CSTPP1: variants seen among roughly 807,000 people sequenced by gnomAD.
The protein encoded by CSTPP1 is UPF0705 protein C11orf49.
At chr11:47,160,006 T>A in the CSTPP1 span, 1 of 283,708 alleles carries the variant, frequency 3.5e-6, no homozygotes, top group East Asian at 1.0e-4. Context: ...CTCCATCAAA[T>A]AAATAAACAC....
the CSTPP1 span, among the ~76,000 whole-genome samples, chr11:47,132,478 G>T: frequency 2.3e-4 from 35 of 152,262 alleles, no homozygotes; most frequent in African/African-American, 8.2e-4. Flanking sequence ...AAGTGTATAT[G>T]TTACCTCTTT....
chr11:46,986,197 A>C, the CSTPP1 span, among the ~76,000 whole-genome samples: 1 of 152,208 alleles, frequency 6.6e-6, no homozygotes, highest in Non-Finnish European at 1.5e-5. Flanking sequence ...TTAAGCTACC[A>C]AGACAGAGCC....
At chr11:47,100,606 C>T in the CSTPP1 span, among the ~76,000 whole-genome samples, 11 of 152,148 alleles carry the variant, frequency 7.2e-5, no homozygotes, top group South Asian at 4.1e-4. Context: ...GCCTGACCAA[C>T]GTGGCAAAAC....
At chr11:47,085,724 T>C in the CSTPP1 span, among the ~76,000 whole-genome samples, 2 of 151,776 alleles carry the variant, frequency 1.3e-5, no homozygotes, top group Admixed American at 6.6e-5. Flanking sequence ...ACCCCGTCTC[T>C]ACTAAAAATA....
the CSTPP1 span, among the ~76,000 whole-genome samples, chr11:46,976,820 C>A: frequency 6.6e-6 from 1 of 152,016 alleles, no homozygotes; most frequent in Non-Finnish European, 1.5e-5. Context: ...CTGTGGAACC[C>A]GAATCTACGA....
chr11:47,015,300 CTACTAAAAA>C, the CSTPP1 span, among the ~76,000 whole-genome samples: 1 of 151,148 alleles, frequency 6.6e-6, no homozygotes, highest in Non-Finnish European at 1.5e-5. Context: ...AACCCCGTCT[CTACTAAAAA>C]AAAAAAATAC....
At chr11:46,989,534 CAAGT>C in the CSTPP1 span, among the ~76,000 whole-genome samples, 2 of 152,164 alleles carry the variant, frequency 1.3e-5, no homozygotes, top group African/African-American at 4.8e-5. Flanking sequence ...CTGCAGGCCT[CAAGT>C]AATCCTCTCA....
chr11:47,036,274 ATATAT>A, the CSTPP1 span, among the ~76,000 whole-genome samples: 1 of 75,294 alleles, frequency 1.3e-5, no homozygotes, highest in South Asian at 3.6e-4. Flanking sequence ...TATATATATT[ATATAT>A]TATATTTATA....
At chr11:47,163,025 C>A in the CSTPP1 span, among the ~76,000 whole-genome samples, 3 of 151,980 alleles carry the variant, frequency 2.0e-5, no homozygotes, top group Non-Finnish European at 4.4e-5. Context: ...ACAAAATAAC[C>A]TTAGCCAGGC....
chr11:47,127,369 G>C, the CSTPP1 span, among the ~76,000 whole-genome samples: 2 of 152,218 alleles, frequency 1.3e-5, no homozygotes, highest in Non-Finnish European at 2.9e-5. Context: ...TAAAAGTGAG[G>C]CAATAGAGGA....
chr11:47,144,665 T>C, the CSTPP1 span, among the ~76,000 whole-genome samples: 2 of 152,180 alleles, frequency 1.3e-5, no homozygotes, highest in South Asian at 2.1e-4. Context: ...CTTCTTGTGA[T>C]TGGCCTGCAG....
At chr11:46,998,001 G>C in the CSTPP1 span, among the ~76,000 whole-genome samples, 2 of 152,154 alleles carry the variant, frequency 1.3e-5, no homozygotes, top group East Asian at 1.9e-4. Flanking sequence ...TAGGCTACTC[G>C]GGGGTCAGGG....
At chr11:47,108,689 G>A in the CSTPP1 span, among the ~76,000 whole-genome samples, 5 of 145,026 alleles carry the variant, frequency 3.4e-5, no homozygotes, top group African/African-American at 1.0e-4. Flanking sequence ...GGGTGGGACA[G>A]TTCAGTACTA....
At chr11:46,944,179 G>A in the CSTPP1 span, among the ~76,000 whole-genome samples, 36,398 of 151,514 alleles carry the variant, frequency 0.24, 5,083 homozygotes, top group East Asian at 0.65. Flanking sequence ...TTAGCAGAGC[G>A]TGGGGGTGTG....
At chr11:47,078,875 G>A in the CSTPP1 span, among the ~76,000 whole-genome samples, 6 of 152,166 alleles carry the variant, frequency 3.9e-5, no homozygotes, top group African/African-American at 1.2e-4. Flanking sequence ...TGATTATCCA[G>A]TAGCCACGAG....
the CSTPP1 span, chr11:47,162,377 G>C: frequency 2.5e-6 from 1 of 400,164 alleles, no homozygotes; most frequent in African/African-American, 2.2e-5. Context: ...CTCAGACAAC[G>C]AGCAGAGGGG....
the CSTPP1 span, among the ~76,000 whole-genome samples, chr11:46,945,616 AAAT>A: frequency 6.6e-6 from 1 of 152,126 alleles, no homozygotes; most frequent in African/African-American, 2.4e-5. Context: ...CTCTGTCTCA[AAAT>A]AATAATAATA....
the CSTPP1 span, among the ~76,000 whole-genome samples, chr11:47,027,915 T>C: frequency 4.9e-5 from 7 of 142,818 alleles, no homozygotes; most frequent in African/African-American, 1.9e-4. Context: ...ATCTCTATTT[T>C]CTTTTTTTTT....
At chr11:46,985,382 A>G in the CSTPP1 span, among the ~76,000 whole-genome samples, 1 of 152,212 alleles carries the variant, frequency 6.6e-6, no homozygotes, top group South Asian at 2.1e-4. Context: ...TAATTCCATC[A>G]TATTTTCCTG....
Sources: allele counts gnomAD v4.1 joint callset (sites outside exome capture counted in the v4.1 genomes callset), GRCh38; gene constraint gnomAD v4.1.1; transcripts MANE v1.5; gene names NCBI Gene and HGNC (gene_info 2026-07-23, HGNC 2026-07-21).